CYRIB: variants seen among roughly 807,000 people sequenced by gnomAD.
CYRIB encodes the protein CYFIP related Rac1 interactor B.
CYRIB carries 8 observed loss-of-function variants against 44.2 expected under a neutral mutation model. The ratio of observed to expected loss-of-function variants is 0.18; its 90% confidence interval spans 0.11 to 0.33. The LOEUF (loss-of-function observed/expected upper bound fraction) is 0.33, where lower values mean the gene tolerates loss of function less well. CYRIB is among the 10% of genes least tolerant of loss of function. The probability of loss-of-function intolerance (pLI) is 1.00; values close to 1 mark genes in which losing one functional copy is unlikely to be tolerated. For missense variants in CYRIB, 185 were observed against 382.8 expected, an observed-to-expected ratio of 0.48 and a Z score of 4.31; for synonymous variants, 131 against 127.2, an observed-to-expected ratio of 1.03 and a Z score of -0.20.
chr8:129,956,515 A>G (rs1451656529), intron 2 of CYRIB, among the ~76,000 whole-genome samples: 1 of 149,114 alleles, frequency 6.7e-6, no homozygotes, highest in African/African-American at 2.4e-5. Context: ...TCATATATAC[A>G]CATACATGTC....
At chr8:129,870,156 TC>T (rs2056487469) in intron 4 of CYRIB, among the ~76,000 whole-genome samples, 2 of 151,834 alleles carry the variant, frequency 1.3e-5, no homozygotes, top group Admixed American at 1.3e-4. Context: ...TGCCTGTAAT[TC>T]CAACACTTTG....
At chr8:129,846,699 C>T in intron 11 of CYRIB, 105 bp downstream of exon 13, 1 of 724,804 alleles carries the variant, frequency 1.4e-6, no homozygotes, top group Non-Finnish European at 2.3e-6. Flanking sequence ...AGCTTGAACA[C>T]TTATTTTTAT....
In CYRIB at chr8:129,855,056, C is replaced by T. The variant is rs557037873; in HGVS notation, c.438+555G>A. Among the ~76,000 whole-genome samples, 176 of 151,884 alleles carry T rather than the reference C, an allele frequency of 1.2e-3. 1 individual carries two copies. Among genetic ancestry groups the T allele is most frequent in the African/African-American group, 4.1e-3 (170 of 41,416 alleles). On this transcript the variant is annotated intron_variant, in intron 6 of 11. Coordinates refer to ENST00000519824, the Ensembl canonical transcript of CYRIB. ...TTTAATATAAAAGAATGTTGAAAAA[C>T]GGGGGTAGAGGGTGTGAGCAGAAAA...
chr8:129,894,359 AT>A (rs2066849866), intron 2 of CYRIB: 1 of 152,140 alleles, frequency 6.6e-6, no homozygotes, highest in Admixed American at 6.5e-5. Context: ...TTAAATTTGT[AT>A]TTTCTTATCA....
chr8:129,879,558 A>G lies in CYRIB; in HGVS notation c.-10-87T>C, dbSNP rs1419680568. 8.2e-6 allele frequency: 8 copies of G among 972,576 alleles called. No individual in the cohort carries two copies. The East Asian group carries it at 1.2e-4, about 15-fold the overall frequency. The allele number at this position is 972,576 out of a possible 1,614,324, so 60.2% of individuals were successfully genotyped here. A position where few individuals can be genotyped will look rare whatever the true frequency, so the allele number is the denominator to read the frequency against. Reference sequence around the variant, plus strand: ...TACTTAAAGAAAAATAGTAACAGGGAAAATGTTCATTAGGCCATGAATTCA... The same window carrying G: ...TACTTAAAGAAAAATAGTAACAGGGGAAATGTTCATTAGGCCATGAATTCA... On this transcript the variant is annotated intron_variant, in intron 2 of 11. Transcript: ENST00000519824.
chr8:129,939,780 G>A (rs1367210788), exon 1 of CYRIB: 1 of 152,288 alleles, frequency 6.6e-6, no homozygotes, highest in Non-Finnish European at 1.5e-5. Flanking sequence ...CGACAAGCCA[G>A]GCGGCAGCTC....
chr8:130,002,661 GT>G (rs1452210614), intron 1 of CYRIB, among the ~76,000 whole-genome samples: 1 of 152,220 alleles, frequency 6.6e-6, no homozygotes, highest in Non-Finnish European at 1.5e-5. Context: ...ATGACAGATG[GT>G]TTTCTAAGTC....
intron 1 of CYRIB, among the ~76,000 whole-genome samples, chr8:130,007,906 C>A (rs2097139988): frequency 6.6e-6 from 1 of 150,814 alleles, no homozygotes; most frequent in Non-Finnish European, 1.5e-5. Context: ...CTGATGGGAG[C>A]CCTGTTAAGA....
intron 1 of CYRIB, among the ~76,000 whole-genome samples, chr8:129,907,605 A>C (rs1297387670): frequency 1.3e-5 from 2 of 152,104 alleles, no homozygotes; most frequent in African/African-American, 4.8e-5. Flanking sequence ...AAAAAACTAT[A>C]TATATATGAA....
intron 2 of CYRIB, among the ~76,000 whole-genome samples, chr8:129,958,957 C>T (rs1015640014): frequency 2.0e-5 from 3 of 146,692 alleles, no homozygotes; most frequent in Admixed American, 1.4e-4. Flanking sequence ...CCCAGCTACT[C>T]GGGAGGCTGA....
intron 1 of CYRIB, among the ~76,000 whole-genome samples, chr8:129,917,036 A>G (rs1263803761): frequency 1.3e-5 from 2 of 152,208 alleles, no homozygotes; most frequent in Non-Finnish European, 1.5e-5. Flanking sequence ...ATAAGATTCA[A>G]TGAGAATGCA....
At chr8:129,901,094 C>T (rs1174733550) in intron 2 of CYRIB, among the ~76,000 whole-genome samples, 1 of 152,192 alleles carries the variant, frequency 6.6e-6, no homozygotes, top group African/African-American at 2.4e-5. Context: ...CCTGGGACTA[C>T]AGGCACACGC....
chr8:129,976,826 T>G (rs2095943660), intron 1 of CYRIB, among the ~76,000 whole-genome samples: 1 of 151,950 alleles, frequency 6.6e-6, no homozygotes. Flanking sequence ...GTGTTGTTGT[T>G]TTTTTTTGTT....
intron 1 of CYRIB, among the ~76,000 whole-genome samples, chr8:129,977,357 T>C (rs1156487124): frequency 6.6e-6 from 1 of 152,118 alleles, no homozygotes; most frequent in East Asian, 1.9e-4. Flanking sequence ...CCTAAGGCCA[T>C]CCAGCTCCCA....
chr8:129,930,130 G>C (rs1419162473), intron 1 of CYRIB, among the ~76,000 whole-genome samples: 1 of 151,616 alleles, frequency 6.6e-6, no homozygotes, highest in Non-Finnish European at 1.5e-5. Flanking sequence ...AGAATCACTT[G>C]AACCCGGGAG....
intron 5 of CYRIB, among the ~76,000 whole-genome samples, chr8:129,856,973 C>T (rs945150653): frequency 2.6e-5 from 4 of 152,238 alleles, no homozygotes; most frequent in South Asian, 2.1e-4. Context: ...TGTAACCCTA[C>T]AAAACATTAA....
chr8:129,872,032 G>A (rs2057437794), intron 3 of CYRIB, among the ~76,000 whole-genome samples: 1 of 151,984 alleles, frequency 6.6e-6, no homozygotes, highest in Non-Finnish European at 1.5e-5. Context: ...CCCTTTTCCA[G>A]GAATCACTTC....
chr8:129,940,278 G>T (rs1452676808), upstream of CYRIB, among the ~76,000 whole-genome samples: 1 of 152,200 alleles, frequency 6.6e-6, no homozygotes, highest in African/African-American at 2.4e-5. Context: ...CTAGGCTGCG[G>T]GCGCGCCTCT....
At chr8:129,938,010 G>GA (rs2093116224) in intron 1 of CYRIB, among the ~76,000 whole-genome samples, 1 of 151,894 alleles carries the variant, frequency 6.6e-6, no homozygotes, top group Admixed American at 6.6e-5. Flanking sequence ...GAAGCTGTTA[G>GA]AAAATGCTGC....
Sources: allele counts gnomAD v4.1 joint callset (sites outside exome capture counted in the v4.1 genomes callset), GRCh38; gene constraint gnomAD v4.1.1; transcripts MANE v1.5; gene names NCBI Gene and HGNC (gene_info 2026-07-23, HGNC 2026-07-21).